DCUN1D1: variants seen among roughly 807,000 people sequenced by gnomAD.
DCUN1D1 encodes DCN1-like protein 1.
Under a neutral mutation model 39.0 loss-of-function variants are expected in DCUN1D1, and 3 were observed. That is an observed-to-expected ratio of 0.08 (90% confidence interval 0.04 to 0.20). The LOEUF is 0.20. Ranked by LOEUF, DCUN1D1 falls within the 10% of genes least tolerant of loss-of-function variation. DCUN1D1 has a pLI of 1.00. For missense variants in DCUN1D1, 158 were observed against 302.4 expected, an observed-to-expected ratio of 0.52 and a Z score of 3.54; for synonymous variants, 82 against 96.3, an observed-to-expected ratio of 0.85 and a Z score of 0.87.
chr3:182,961,246 T>C lies in DCUN1D1; in HGVS notation c.500A>G (p.Asn167Ser). Residue 167 changes from asparagine to serine, a missense_variant, in exon 4 of 7, where the codon AAT becomes AGT. By Grantham distance (46) the Asn-to-Ser change is conservative. Transcript: ENST00000292782. ...FYQFTFNFAK[N>S]PGQKGLDLEM... is the part of the protein sequence containing the mutation. ...CTTACCTAATCCTTTTTGTCCTGGATTCTTTGCAAAATTAAAAGTAAACTG... is the reference window on the plus strand; with the variant it reads ...CTTACCTAATCCTTTTTGTCCTGGACTCTTTGCAAAATTAAAAGTAAACTG... 1.9e-6 allele frequency: 3 copies of C among 1,557,010 alleles called. No individual in the cohort carries two copies. Among genetic ancestry groups the C allele is most frequent in the South Asian group, 2.3e-5 (2 of 85,460 alleles).
At position 182,942,788 on chromosome 3, in the gene DCUN1D1, G is replaced by C; in HGVS notation, c.*2306C>G. 1 of 151,106 alleles carries C rather than the reference G, an allele frequency of 6.6e-6. No individual in the cohort carries two copies. Among genetic ancestry groups the C allele is most frequent in the Non-Finnish European group, 1.5e-5 (1 of 67,658 alleles). 9.4% of individuals were successfully genotyped at this position (151,106 alleles called of 1,614,324 possible). On this transcript the variant is annotated 3_prime_UTR_variant, in exon 7 of 7. Transcript: ENST00000292782. The stretch of plus-strand genomic sequence containing the variant: ...CAGCCATATGTGTAATCATTTTTTA[G>C]TACAAAATATTCCCTGTAGCCAGAC...
At chr3:182,968,413 C>T (rs192076832) in intron 1 of DCUN1D1, among the ~76,000 whole-genome samples, 32 of 151,842 alleles carry the variant, frequency 2.1e-4, no homozygotes, top group Admixed American at 7.9e-4. Flanking sequence ...TTTCTACAAG[C>T]CAAAAAGAAC....
chr3:182,962,978 C>T (rs112129485), intron 3 of DCUN1D1, among the ~76,000 whole-genome samples: 13,246 of 152,086 alleles, frequency 0.087, 613 homozygotes, highest in Middle Eastern at 0.16. Flanking sequence ...CGGGGTTTCT[C>T]CATGTTGGTC....
chr3:182,957,937 CAAA>C (rs34998390), intron 4 of DCUN1D1, among the ~76,000 whole-genome samples: 23 of 67,502 alleles, frequency 3.4e-4, no homozygotes, highest in African/African-American at 1.4e-3. Context: ...GACCCTGCAT[CAAA>C]AAAAAAAAAA....
chr3:182,957,937 CAAAAAAAAAAAAA>C (rs34998390), intron 4 of DCUN1D1, among the ~76,000 whole-genome samples: 3 of 67,502 alleles, frequency 4.4e-5, no homozygotes, highest in African/African-American at 1.9e-4. Context: ...GACCCTGCAT[CAAAAAAAAAAAAA>C]AAAAAAAAAA....
At chr3:182,947,169 T>C (rs1295422955) in intron 6 of DCUN1D1, 69 bp downstream of exon 6, 3 of 782,678 alleles carry the variant, frequency 3.8e-6, no homozygotes, top group Non-Finnish European at 6.2e-6. Flanking sequence ...CAAAAGTACC[T>C]AAGAAGTTCA....
At chr3:182,946,837 T>TG (rs1477660760) in intron 6 of DCUN1D1, among the ~76,000 whole-genome samples, 1 of 152,122 alleles carries the variant, frequency 6.6e-6, no homozygotes, top group African/African-American at 2.4e-5. Context: ...AGCTTGGAGC[T>TG]GGTCACAGTG....
At chr3:182,964,149 C>T in intron 2 of DCUN1D1, 100 bp from the exon 3 acceptor site, 2 of 904,504 alleles carry the variant, frequency 2.2e-6, no homozygotes, top group Non-Finnish European at 3.3e-6. Flanking sequence ...TAAATGACCA[C>T]AATATATGGA....
intron 3 of DCUN1D1, among the ~76,000 whole-genome samples, chr3:182,961,726 A>ACTG (rs1727407470): frequency 6.6e-6 from 1 of 152,226 alleles, no homozygotes; most frequent in African/African-American, 2.4e-5. Flanking sequence ...CTGACACAGT[A>ACTG]ATTAATCGCG....
chr3:182,955,329 T>C (rs1211406258), intron 4 of DCUN1D1: 1 of 546,130 alleles, frequency 1.8e-6, no homozygotes, highest in Non-Finnish European at 3.7e-6. Context: ...GCTTCTTCTA[T>C]GGTTGGAACT....
At chr3:182,970,097 A>C (rs905187715) in intron 1 of DCUN1D1, among the ~76,000 whole-genome samples, 4 of 151,978 alleles carry the variant, frequency 2.6e-5, no homozygotes, top group Admixed American at 6.6e-5. Flanking sequence ...TCGCTACAAA[A>C]ATTTTTTTTA....
intron 4 of DCUN1D1, among the ~76,000 whole-genome samples, chr3:182,950,049 G>A (rs1726628016): frequency 6.6e-6 from 1 of 152,042 alleles, no homozygotes. Flanking sequence ...CCTCTTTAAG[G>A]AATCTTGTCT....
intron 4 of DCUN1D1, among the ~76,000 whole-genome samples, chr3:182,951,653 C>T (rs1233759373): frequency 7.3e-6 from 1 of 136,550 alleles, no homozygotes; most frequent in Non-Finnish European, 1.6e-5. Context: ...AAAACCACCA[C>T]ACACAAAAGA....
intron 4 of DCUN1D1, among the ~76,000 whole-genome samples, chr3:182,958,042 T>C (rs1727182043): frequency 6.6e-6 from 1 of 152,046 alleles, no homozygotes; most frequent in African/African-American, 2.4e-5. Flanking sequence ...ACTCACTCTC[T>C]GCCAATTTGT....
rs1399319594 is a variant in DCUN1D1 at position 182,980,478 on chromosome 3, G to C, written c.3+9C>G. ...CCGGCAGGGCGGGCGGGCGGCCGCA[G>C]TGCCTCACCATGTTGGTGTCCTCCA... On this transcript the variant is annotated intron_variant, in intron 1 of 6. Coordinates refer to ENST00000292782, the MANE Select transcript of DCUN1D1 (RefSeq NM_020640.4). 3 of 1,207,754 alleles carry C rather than the reference G, an allele frequency of 2.5e-6. No individual in the cohort carries two copies. The highest frequency in any genetic ancestry group is 3.1e-6 in the Non-Finnish European group (3 of 954,896). 74.8% of individuals were successfully genotyped at this position (1,207,754 alleles called of 1,614,324 possible). A position where few individuals can be genotyped will look rare whatever the true frequency, so the allele number is the denominator to read the frequency against.
chr3:182,961,957 C>A (rs1473520591), intron 3 of DCUN1D1, among the ~76,000 whole-genome samples: 1 of 152,190 alleles, frequency 6.6e-6, no homozygotes, highest in Non-Finnish European at 1.5e-5. Context: ...CCTTACTTTC[C>A]TCATAGAGCC....
At chr3:182,968,039 T>G (rs1727757313) in intron 1 of DCUN1D1, among the ~76,000 whole-genome samples, 1 of 152,130 alleles carries the variant, frequency 6.6e-6, no homozygotes, top group Non-Finnish European at 1.5e-5. Context: ...AACCTGCAAG[T>G]ACACCAACCA....
At chr3:182,959,637 G>A (rs114649377) in intron 4 of DCUN1D1, among the ~76,000 whole-genome samples, 628 of 151,864 alleles carry the variant, frequency 4.1e-3, no homozygotes, top group Non-Finnish European at 7.1e-3. Context: ...TATTTGGCAC[G>A]GCACATAGCA....
intron 4 of DCUN1D1, among the ~76,000 whole-genome samples, chr3:182,948,289 A>G (rs1726519096): frequency 6.6e-6 from 1 of 152,232 alleles, no homozygotes; most frequent in Non-Finnish European, 1.5e-5. Context: ...AAAACTTAAA[A>G]TTAATAAGAA....
Sources: allele counts gnomAD v4.1 joint callset (sites outside exome capture counted in the v4.1 genomes callset), GRCh38; gene constraint gnomAD v4.1.1; transcripts MANE v1.5; gene names NCBI Gene and HGNC (gene_info 2026-07-23, HGNC 2026-07-21).